The following C2orf49 variants were observed in gnomAD, a reference collection of about 807,000 sequenced individuals.
C2orf49 encodes tRNA splicing ligase complex subunit 2, also known as tRNA-splicing ligase complex subunit ASW.
A neutral mutation model predicts 20.6 loss-of-function variants in C2orf49; 11 were observed. That is an observed-to-expected ratio of 0.53 (90% CI 0.34 to 0.88). The LOEUF is 0.88. Ranked by LOEUF, C2orf49 falls within the 40% of genes least tolerant of loss-of-function variation. The probability of loss-of-function intolerance (pLI) is 0.02; values close to 1 mark genes in which losing one functional copy is unlikely to be tolerated. For synonymous variants in C2orf49, 134 were observed against 108.5 expected (o/e 1.24, Z -1.46); for missense variants, 289 against 274.2 (o/e 1.05, Z -0.38).
the C2orf49 span, chr2:105,378,445 C>T: frequency 7.0e-6 from 2 of 284,886 alleles, no homozygotes; most frequent in Admixed American, 4.7e-5. Context: ...GGAACCATTT[C>T]GCCTTGGCTC....
the C2orf49 span, among the ~76,000 whole-genome samples, chr2:105,355,770 T>TGTGTGTGTG: frequency 5.0e-3 from 714 of 143,190 alleles, 4 homozygotes; most frequent in Middle Eastern, 0.011. Context: ...AGAAAAAATT[T>TGTGTGTGTG]TGTGTGTGTG....
chr2:105,370,329 C>T, the C2orf49 span, among the ~76,000 whole-genome samples: 2 of 151,606 alleles, frequency 1.3e-5, no homozygotes, highest in Non-Finnish European at 2.9e-5. Flanking sequence ...GAGCAGTGAT[C>T]GTACCACTAC....
At position 105,337,703 on chromosome 2, in the gene C2orf49, CGGAGGGTGGGCGGGTGG is replaced by C; in HGVS notation, c.99+19_99+35del. The C allele has an allele frequency of 2.0e-5, 2 of 99,678 alleles. No homozygotes were observed. The highest frequency in any genetic ancestry group is 2.7e-5 in the Non-Finnish European group (2 of 74,128). 6.2% of individuals were successfully genotyped at this position (99,678 alleles called of 1,614,324 possible). On this transcript the variant is annotated intron_variant, in intron 1 of 3. Transcript: ENST00000258457. ...CTGGAGCAGGTTGGGCGCGCCGGAT[CGGAGGGTGGGCGGGTGG>C]GCCTTCCCAGGTGAGGCGCTTGCAC...
chr2:105,384,560 T>G, the C2orf49 span, among the ~76,000 whole-genome samples: 1 of 152,054 alleles, frequency 6.6e-6, no homozygotes, highest in Non-Finnish European at 1.5e-5. Context: ...CAGGCTGGAG[T>G]GCAGTGGCAT....
chr2:105,356,177 G>C, the C2orf49 span, among the ~76,000 whole-genome samples: 2 of 152,096 alleles, frequency 1.3e-5, no homozygotes, highest in African/African-American at 4.8e-5. Context: ...GATCACCTGA[G>C]GTCAGGAGTT....
the C2orf49 span, among the ~76,000 whole-genome samples, chr2:105,366,394 C>T: frequency 1.4e-3 from 209 of 152,336 alleles, no homozygotes; most frequent in Non-Finnish European, 2.4e-3. Flanking sequence ...AAGGGCAAAA[C>T]AGCAGAAGCT....
downstream of C2orf49, among the ~76,000 whole-genome samples, chr2:105,351,312 C>T (rs1214756433): frequency 5.9e-5 from 5 of 84,168 alleles, no homozygotes; most frequent in African/African-American, 2.0e-4. Context: ...TTGCCCACCG[C>T]GCCCCCCCCC....
chr2:105,364,543 C>T, the C2orf49 span, among the ~76,000 whole-genome samples: 1 of 152,156 alleles, frequency 6.6e-6, no homozygotes, highest in Non-Finnish European at 1.5e-5. Flanking sequence ...TCAATTTTAC[C>T]TGATATTTTT....
At chr2:105,362,864 G>C in the C2orf49 span, among the ~76,000 whole-genome samples, 2 of 152,194 alleles carry the variant, frequency 1.3e-5, no homozygotes, top group African/African-American at 4.8e-5. Flanking sequence ...CTATGGCCTT[G>C]TGGTAGAAGT....
In C2orf49 at chr2:105,339,763, G is replaced by T; in HGVS notation, c.266+14G>T. The T allele has an allele frequency of 6.4e-7, 1 of 1,560,642 alleles. No individual in the cohort carries two copies. The highest frequency in any genetic ancestry group is 8.6e-7 in the Non-Finnish European group (1 of 1,160,442). ...TGAGACTAAAAGGTACTTTTTGGTG[G>T]TTCTAGCTTTCAATTTATCTTATAT... On this transcript the variant is annotated intron_variant, in intron 2 of 3. Coordinates refer to ENST00000258457, the MANE Select transcript of C2orf49 (RefSeq NM_024093.3).
At chr2:105,361,479 C>T in the C2orf49 span, 1 of 1,569,316 alleles carries the variant, frequency 6.4e-7, no homozygotes, top group Non-Finnish European at 8.7e-7. Flanking sequence ...AAGTTAGAAT[C>T]AGGCAACTGG....
chr2:105,358,917 G>A, the C2orf49 span: 1 of 152,258 alleles, frequency 6.6e-6, no homozygotes, highest in South Asian at 2.1e-4. Flanking sequence ...GAGGCTGTTT[G>A]TCCCGAACTC....
At chr2:105,363,752 G>T in the C2orf49 span, among the ~76,000 whole-genome samples, 1 of 152,210 alleles carries the variant, frequency 6.6e-6, no homozygotes, top group African/African-American at 2.4e-5. Flanking sequence ...GGGTGCCTCA[G>T]TGGTGTTGCC....
At chr2:105,338,218 G>T (rs966575141) in intron 1 of C2orf49, among the ~76,000 whole-genome samples, 1 of 152,202 alleles carries the variant, frequency 6.6e-6, no homozygotes, top group Non-Finnish European at 1.5e-5. Flanking sequence ...TTTCCAGCTG[G>T]TGTGGCCTCT....
At chr2:105,338,289 G>A (rs558332684) in intron 1 of C2orf49, among the ~76,000 whole-genome samples, 50 of 152,300 alleles carry the variant, frequency 3.3e-4, no homozygotes, top group African/African-American at 1.1e-3. Flanking sequence ...AGAATTACTG[G>A]AAGTTTCCTT....
In C2orf49 at chr2:105,343,208, A is replaced by T; in HGVS notation, c.627A>T (p.Glu209Asp). The part of the protein sequence containing the change: ...PVKLKRAAPK[E>D]EAEAMNNLKP... The stretch of plus-strand genomic sequence containing the variant: ...AGTTAAAGAGAGCTGCTCCTAAAGA[A>T]GAGGCAGAGGCCATGGTAAGTATGG... Residue 209 changes from glutamate (E) to aspartate (D), a missense_variant, in exon 3 of 4, where the codon GAA becomes GAT. By Grantham distance (45) the Glu-to-Asp change is conservative. Coordinates refer to ENST00000258457, the MANE Select transcript of C2orf49 (RefSeq NM_024093.3). 2 of 1,593,928 alleles carry T rather than the reference A, an allele frequency of 1.3e-6. No homozygotes were observed. Among genetic ancestry groups the T allele is most frequent in the Non-Finnish European group, 1.7e-6 (2 of 1,172,166 alleles).
intron 3 of C2orf49, among the ~76,000 whole-genome samples, chr2:105,343,895 T>C (rs981498771): frequency 2.0e-5 from 3 of 151,948 alleles, no homozygotes; most frequent in East Asian, 3.9e-4. Context: ...AAAGTGCTTT[T>C]ACTTTTAAAT....
At chr2:105,341,869 A>G (rs1679679950) in intron 2 of C2orf49, among the ~76,000 whole-genome samples, 1 of 152,178 alleles carries the variant, frequency 6.6e-6, no homozygotes, top group Non-Finnish European at 1.5e-5. Context: ...TTCTTTTAAC[A>G]TGTTTAATTA....
the C2orf49 span, chr2:105,373,846 G>A: frequency 1.0e-6 from 1 of 984,812 alleles, no homozygotes; most frequent in African/African-American, 1.6e-5. Context: ...GTTGGGCCGA[G>A]GCACCCTGGC....
Sources: allele counts gnomAD v4.1 joint callset (sites outside exome capture counted in the v4.1 genomes callset), GRCh38; gene constraint gnomAD v4.1.1; transcripts MANE v1.5; gene names NCBI Gene and HGNC (gene_info 2026-07-23, HGNC 2026-07-21).